KDM2A: variants seen among roughly 807,000 people sequenced by gnomAD.
KDM2A encodes the protein lysine-specific demethylase 2A.
Under a neutral mutation model 137.3 loss-of-function variants are expected in KDM2A, and 3 were observed. The ratio of observed to expected loss-of-function variants is 0.02; its 90% confidence interval spans 0.01 to 0.06. The LOEUF is 0.06. Ranked by LOEUF, KDM2A falls within the 10% of genes least tolerant of loss-of-function variation. The pLI is 1.00. For missense variants in KDM2A, 738 were observed against 1,510.6 expected (o/e 0.49, Z 8.48); for synonymous variants, 512 against 541.5 (o/e 0.95, Z 0.76).
rs1355077744 is a variant in KDM2A, at chr11:67,119,450, C to T, written c.-683C>T. On this transcript the variant is annotated 5_prime_UTR_variant, in exon 1 of 21. Coordinates refer to ENST00000529006, the MANE Select transcript of KDM2A (RefSeq NM_012308.3). ...GACGCTCCGGGAGGAGGGGCAACGCCAGGGGGCCCATCCCCCGGAATCCCT... is the reference window on the plus strand; with the variant it reads ...GACGCTCCGGGAGGAGGGGCAACGCTAGGGGGCCCATCCCCCGGAATCCCT... 1.3e-5 allele frequency: 2 copies of T among 153,678 alleles called. No individual in the cohort carries two copies. Among genetic ancestry groups the T allele is most frequent in the African/African-American group, 2.4e-5 (1 of 41,412 alleles). The allele number at this position is 153,678 out of a possible 1,614,324, so 9.5% of individuals were successfully genotyped here.
intron 17 of KDM2A, chr11:67,252,453 G>C (rs940117213): frequency 1.4e-5 from 7 of 517,844 alleles, no homozygotes; most frequent in African/African-American, 1.2e-4. Context: ...AATAAATCAG[G>C]GTAAAGTGGT....
chr11:67,207,658 G>A lies in KDM2A; in HGVS notation c.456G>A (p.Arg152=), dbSNP rs1307370833. ...TCAGCCTCGAGTTTAGCCACACCAG[G>A]CTGGAGAATATGGTGCAGAGGCCCT... ...NVISLEFSHT[R]LENMVQRPST... is the part of the protein sequence containing the mutation. The change falls in exon 6 of 21, where the codon AGG becomes AGA. Residue 152 remains arginine, a synonymous_variant. Coordinates refer to ENST00000529006, the MANE Select transcript of KDM2A (RefSeq NM_012308.3). 1 of 1,612,730 alleles carries A rather than the reference G, an allele frequency of 6.2e-7. No individual in the cohort carries two copies.
chr11:67,240,514 T>C lies in KDM2A; in HGVS notation c.1480-2495T>C, dbSNP rs898603116. The C allele has an allele frequency of 1.1e-5, 8 of 711,672 alleles. No individual in the cohort carries two copies. The African/African-American group carries it at 1.4e-4, about 13-fold the overall frequency. The allele number at this position is 711,672 out of a possible 1,614,324, so 44.1% of individuals were successfully genotyped here. The stretch of plus-strand genomic sequence containing the variant: ...TACTTCGTGTTGCTTGAGCCGTCAT[T>C]GCACTTGTTCCCTCACCTGGTGGGA... On this transcript the variant is annotated intron_variant, in intron 12 of 20. Transcript: ENST00000529006.
At chr11:67,244,400 C>T (rs966636491) in intron 13 of KDM2A, among the ~76,000 whole-genome samples, 1 of 152,142 alleles carries the variant, frequency 6.6e-6, no homozygotes, top group South Asian at 2.1e-4. Flanking sequence ...AGACTAGTTT[C>T]ACCTTAAGGG....
intron 2 of KDM2A, among the ~76,000 whole-genome samples, chr11:67,131,358 GGT>G (rs1348238025): frequency 2.0e-5 from 3 of 151,398 alleles, no homozygotes; most frequent in Admixed American, 2.0e-4. Context: ...CTTACTCCAC[GGT>G]GTGTAGGCTG....
rs1283014748 is a variant in KDM2A at position 67,250,087 on chromosome 11, A to G, written c.2057A>G (p.Lys686Arg). 2 of 1,577,144 alleles carry G rather than the reference A, an allele frequency of 1.3e-6. No homozygotes were observed. Among genetic ancestry groups the G allele is most frequent in the Non-Finnish European group, 8.6e-7 (1 of 1,161,260 alleles). ...TGCTTTTCTGGGCCTGTTTTGCAGA[A>G]GCGGAAAATGGAAGAGAGTGACGAA... ...YQEDSSEKAQ[K>R]RKMEESDEEA... Residue 686 changes from lysine to arginine, a missense_variant and splice_region_variant, in exon 17 of 21, where the codon AAG becomes AGG. By Grantham distance (26) the Lys-to-Arg change is conservative. Coordinates refer to ENST00000529006, the MANE Select transcript of KDM2A (RefSeq NM_012308.3). The surrounding 1 kb of genome is among the most constrained non-coding windows in gnomAD (Gnocchi z 7.1).
At chr11:67,200,766 C>T (rs942149600) in intron 5 of KDM2A, among the ~76,000 whole-genome samples, 5 of 152,174 alleles carry the variant, frequency 3.3e-5, no homozygotes, top group African/African-American at 1.2e-4. Flanking sequence ...CTCAGCTTCC[C>T]AAAGTGCTGG....
At chr11:67,186,788 C>T (rs549780879) in intron 5 of KDM2A, among the ~76,000 whole-genome samples, 13 of 152,194 alleles carry the variant, frequency 8.5e-5, no homozygotes, top group South Asian at 2.1e-4. Flanking sequence ...ATTAGTAGAA[C>T]GGGGTATAGT....
At chr11:67,248,157 C>T in intron 15 of KDM2A, 124 bp from the exon 16 acceptor site, 1 of 704,906 alleles carries the variant, frequency 1.4e-6, no homozygotes, top group South Asian at 1.8e-5. Context: ...CTGGATTGCT[C>T]ACAGTTTTTC....
chr11:67,170,387 GTTTTTTTTTTTTCTTTCTTTCTTTTTT>G (rs1856855212), intron 2 of KDM2A, among the ~76,000 whole-genome samples: 5 of 56,368 alleles, frequency 8.9e-5, no homozygotes, highest in African/African-American at 1.4e-4. Context: ...CAAGCATGGG[GTTTTTTTTTTTTCTTTCTTTCTTTTTT>G]TTTTTTTTTT....
At chr11:67,135,140 C>T (rs984188616) in intron 2 of KDM2A, among the ~76,000 whole-genome samples, 2 of 151,812 alleles carry the variant, frequency 1.3e-5, no homozygotes, top group Non-Finnish European at 2.9e-5. Context: ...GCGATCTCGT[C>T]TCACCACAAC....
intron 2 of KDM2A, among the ~76,000 whole-genome samples, chr11:67,177,510 C>G (rs1158876197): frequency 2.0e-5 from 3 of 151,848 alleles, no homozygotes; most frequent in African/African-American, 7.3e-5. Flanking sequence ...ACATACACAT[C>G]AGCCTGCAGA....
At chr11:67,173,015 G>T (rs1423268944) in intron 2 of KDM2A, among the ~76,000 whole-genome samples, 1 of 151,860 alleles carries the variant, frequency 6.6e-6, no homozygotes, top group East Asian at 1.9e-4. Flanking sequence ...TTGAGACAAG[G>T]TCTCTCACCC....
intron 2 of KDM2A, 26 bp downstream of exon 2, chr11:67,121,384 C>T (rs1855594446): frequency 3.1e-6 from 5 of 1,605,374 alleles, no homozygotes; most frequent in Admixed American, 1.7e-5. Flanking sequence ...CCCCACCACA[C>T]CCTCCAGTTT....
Position 67,168,582 on chromosome 11 carries a change from T to TAATACACACACACACACACACACACAC in KDM2A, c.43-11496_43-11495insATACACACACACACACACACACACACA, listed in dbSNP as rs879358615. On this transcript the variant is annotated intron_variant, in intron 2 of 20. Coordinates refer to ENST00000529006, the MANE Select transcript of KDM2A (RefSeq NM_012308.3). ...CACACACACAGTCTTGTATGAATTA[T>TAATACACACACACACACACACACACAC]ACACACACACACACACACACACACA... Among the ~76,000 whole-genome samples the TAATACACACACACACACACACACACAC allele has an allele frequency of 2.1e-4, 7 of 33,984 alleles. 3 individuals carry two copies. Among genetic ancestry groups the TAATACACACACACACACACACACACAC allele is most frequent in the South Asian group, 2.4e-3 (2 of 832 alleles). 22.3% of individuals were successfully genotyped at this position (33,984 alleles called of 152,430 possible). A position where few individuals can be genotyped will look rare whatever the true frequency, so the allele number is the denominator to read the frequency against.
intron 12 of KDM2A, among the ~76,000 whole-genome samples, chr11:67,238,924 C>T (rs374654359): frequency 6.6e-6 from 1 of 152,130 alleles, no homozygotes; most frequent in East Asian, 1.9e-4. Context: ...GAGTGTGCAC[C>T]CTCCTTTCCT....
At chr11:67,163,060 A>T (rs1383581748) in intron 2 of KDM2A, among the ~76,000 whole-genome samples, 1 of 152,158 alleles carries the variant, frequency 6.6e-6, no homozygotes, top group African/African-American at 2.4e-5. Flanking sequence ...TACTTTTGTT[A>T]GTTACTTCTC....
chr11:67,139,057 A>G (rs1186506644), intron 2 of KDM2A, among the ~76,000 whole-genome samples: 2 of 152,116 alleles, frequency 1.3e-5, no homozygotes, highest in African/African-American at 4.8e-5. Flanking sequence ...CACAGGCAGT[A>G]GTATTAAGTT....
chr11:67,222,018 TATA>T (rs770099205), intron 10 of KDM2A, among the ~76,000 whole-genome samples: 13 of 151,248 alleles, frequency 8.6e-5, no homozygotes, highest in Non-Finnish European at 1.8e-4. Flanking sequence ...AAAAAAAATG[TATA>T]ATTCCATAGT....
Sources: allele counts gnomAD v4.1 joint callset (sites outside exome capture counted in the v4.1 genomes callset), GRCh38; gene constraint gnomAD v4.1.1; non-coding constraint Gnocchi (gnomAD v3.1); transcripts MANE v1.5; gene names NCBI Gene and HGNC (gene_info 2026-07-23, HGNC 2026-07-21).